Variants in TENM4 observed in about 807,000 individuals in gnomAD.
TENM4 encodes teneurin-4.
A neutral mutation model predicts 243.3 loss-of-function variants in TENM4; 82 were observed. The ratio of observed to expected loss-of-function variants is 0.34; its 90% CI spans 0.28 to 0.40. TENM4 has a LOEUF of 0.40. Among genes scored for constraint, TENM4 ranks in the 10% least tolerant of loss-of-function variants. TENM4 has a pLI of 1.00. For synonymous variants in TENM4, 1,412 were observed against 1,456.3 expected (o/e 0.97, Z 0.69); for missense variants, 3,138 against 3,673.3 (o/e 0.85, Z 3.77).
chr11:78,987,026 C>T (rs1033683400), intron 6 of TENM4, among the ~76,000 whole-genome samples: 4 of 152,128 alleles, frequency 2.6e-5, no homozygotes, highest in African/African-American at 9.7e-5. Flanking sequence ...AATGTCTGGC[C>T]CACAGGAAAG....
chr11:79,045,606 G>A (rs913156266), intron 6 of TENM4, among the ~76,000 whole-genome samples: 14 of 152,318 alleles, frequency 9.2e-5, no homozygotes, highest in African/African-American at 3.1e-4. Flanking sequence ...AGGCTGCAGA[G>A]GAGCCCGGCT....
At chr11:78,833,490 A>G (rs1858027779) in intron 12 of TENM4, among the ~76,000 whole-genome samples, 1 of 152,198 alleles carries the variant, frequency 6.6e-6, no homozygotes, top group South Asian at 2.1e-4. Flanking sequence ...TCTGACATAG[A>G]CTTTCCCGCA....
chr11:78,966,785 C>T (rs1320286855), intron 6 of TENM4, among the ~76,000 whole-genome samples: 1 of 152,188 alleles, frequency 6.6e-6, no homozygotes, highest in East Asian at 1.9e-4. Context: ...GTCCCCTTAC[C>T]TCCCAAGTCT....
chr11:79,037,015 C>CAAAAAA (rs369421583), intron 6 of TENM4, among the ~76,000 whole-genome samples: 22 of 91,144 alleles, frequency 2.4e-4, no homozygotes, highest in East Asian at 2.2e-3. Context: ...GACTCCATCT[C>CAAAAAA]AAAAAAAAAA....
intron 6 of TENM4, among the ~76,000 whole-genome samples, chr11:78,991,390 G>C (rs914833551): frequency 1.3e-5 from 2 of 152,162 alleles, no homozygotes; most frequent in Non-Finnish European, 2.9e-5. Context: ...CAGAAAGGGA[G>C]CTTTCTCTGA....
chr11:78,970,206 T>G (rs1319142429), intron 6 of TENM4, among the ~76,000 whole-genome samples: 1 of 152,152 alleles, frequency 6.6e-6, no homozygotes, highest in East Asian at 1.9e-4. Context: ...TGTTCTTGTC[T>G]ACTGCTTGAA....
chr11:78,665,189 TTC>T (rs939728959), intron 32 of TENM4, among the ~76,000 whole-genome samples: 2 of 146,994 alleles, frequency 1.4e-5, no homozygotes, highest in Admixed American at 6.6e-5. Context: ...TCTTTTCTTT[TTC>T]TCTCTTTCTT....
intron 14 of TENM4, among the ~76,000 whole-genome samples, chr11:78,809,162 G>A (rs1857445575): frequency 6.6e-6 from 1 of 152,094 alleles, no homozygotes; most frequent in African/African-American, 2.4e-5. Flanking sequence ...TTCCTTAGAC[G>A]TAATGAGTCT....
At chr11:78,870,705 G>T (rs1859098658) in intron 9 of TENM4, among the ~76,000 whole-genome samples, 1 of 152,148 alleles carries the variant, frequency 6.6e-6, no homozygotes, top group Non-Finnish European at 1.5e-5. Context: ...CATGGGTGCT[G>T]CTCAATGTTT....
chr11:78,921,998 A>C (rs1346571940), intron 6 of TENM4, among the ~76,000 whole-genome samples: 1 of 152,184 alleles, frequency 6.6e-6, no homozygotes, highest in Non-Finnish European at 1.5e-5. Context: ...AACAGCCCTA[A>C]CCAGATGCAG....
At chr11:78,994,852 C>G (rs1195542950) in intron 6 of TENM4, among the ~76,000 whole-genome samples, 2 of 152,196 alleles carry the variant, frequency 1.3e-5, no homozygotes, top group African/African-American at 4.8e-5. Context: ...ATAGCTTGTT[C>G]TGATCTGTGT....
rs117981426 is a variant in TENM4 at position 78,994,168 on chromosome 11, C to T, written c.493+70570G>A. On this transcript the variant is annotated intron_variant, in intron 6 of 33. Transcript: ENST00000278550. Reference sequence around the variant, plus strand: ...GAAGCCTAGGAAGTTCAACAAGGTCCTTCCCTTCTGGGTAGTTGGAACGGA... The same window carrying T: ...GAAGCCTAGGAAGTTCAACAAGGTCTTTCCCTTCTGGGTAGTTGGAACGGA... Among the ~76,000 whole-genome samples, 816 of 152,312 alleles carry T rather than the reference C, an allele frequency of 5.4e-3. 20 individuals are homozygous for T. The highest frequency in any genetic ancestry group is 0.042 in the East Asian group (220 of 5,188).
At chr11:78,943,296 G>T (rs755705448) in intron 6 of TENM4, among the ~76,000 whole-genome samples, 2 of 152,222 alleles carry the variant, frequency 1.3e-5, no homozygotes, top group Non-Finnish European at 2.9e-5. Context: ...TGAAGCTTGA[G>T]TTATGTTCCA....
At chr11:79,148,973 G>C (rs150547666) in intron 3 of TENM4, among the ~76,000 whole-genome samples, 167 bp from the exon 4 acceptor site, 3 of 152,216 alleles carry the variant, frequency 2.0e-5, no homozygotes, top group African/African-American at 7.2e-5. Context: ...GTGTTTGAAC[G>C]CTCAGAGGAA....
chr11:79,380,843 C>T (rs941222218), intron 1 of TENM4, among the ~76,000 whole-genome samples: 1 of 152,142 alleles, frequency 6.6e-6, no homozygotes, highest in African/African-American at 2.4e-5. Context: ...GACTGGAAAA[C>T]CAAGCCAGAA....
At chr11:79,016,451 A>C (rs1360986611) in intron 6 of TENM4, among the ~76,000 whole-genome samples, 2 of 152,140 alleles carry the variant, frequency 1.3e-5, no homozygotes, top group Non-Finnish European at 2.9e-5. Flanking sequence ...AAGACTTTGG[A>C]AAGATAATGG....
At chr11:79,124,611 G>GTA (rs1391769585) in intron 4 of TENM4, among the ~76,000 whole-genome samples, 1 of 149,794 alleles carries the variant, frequency 6.7e-6, no homozygotes, top group African/African-American at 2.5e-5. Flanking sequence ...GTGTGTGTGT[G>GTA]TATATATACA....
At chr11:79,384,937 T>TAAAATAAAATAAAATAAAA (rs376695919) in intron 1 of TENM4, among the ~76,000 whole-genome samples, 1 of 114,376 alleles carries the variant, frequency 8.7e-6, no homozygotes, top group Non-Finnish European at 1.8e-5. Flanking sequence ...AAAAATAAAA[T>TAAAATAAAATAAAATAAAA]TAAAATAAAA....
rs554979349 is a variant in TENM4 at position 79,041,628 on chromosome 11, G to T, written c.493+23110C>A. Among the ~76,000 whole-genome samples, 13 of 152,270 alleles carry T rather than the reference G, an allele frequency of 8.5e-5. No homozygotes were observed. The South Asian group carries it at 2.7e-3, about 32-fold the overall frequency. ...CTGTTTACAATTTACAACATCCAAA[G>T]AGTGGCCTTTGGGGAAGCAGGCTCT... On this transcript the variant is annotated intron_variant, in intron 6 of 33. Coordinates refer to ENST00000278550, the MANE Select transcript of TENM4 (RefSeq NM_001098816.3).
Sources: allele counts gnomAD v4.1 joint callset (sites outside exome capture counted in the v4.1 genomes callset), GRCh38; gene constraint gnomAD v4.1.1; transcripts MANE v1.5; gene names NCBI Gene and HGNC (gene_info 2026-07-23, HGNC 2026-07-21).